TMEM114: variants seen among roughly 807,000 people sequenced by gnomAD.
TMEM114 encodes transmembrane protein 114, also known as claudin-26.
In TMEM114, 6 loss-of-function variants were observed where a neutral mutation model predicts 6.2. The observed-to-expected ratio is 0.97, with a 90% CI of 0.53 to 1.91. TMEM114 has a LOEUF of 1.91. Ranked by LOEUF, TMEM114 falls within the 40% of genes most tolerant of loss-of-function variation. The pLI, the probability that TMEM114 is intolerant of heterozygous loss-of-function variation, is 0.01. For synonymous variants in TMEM114, 104 were observed against 73.0 expected (o/e 1.42, Z -2.16); for missense variants, 218 against 158.3 (o/e 1.38, Z -2.02).
At chr16:8,561,532 T>C (rs1901199664) in intron 2 of TMEM114, among the ~76,000 whole-genome samples, 2 of 152,236 alleles carry the variant, frequency 1.3e-5, no homozygotes, top group African/African-American at 4.8e-5. Flanking sequence ...TGCTAAATCC[T>C]TGGTGTTTCA....
chr16:8,550,486 C>G (rs917440986), intron 2 of TMEM114, among the ~76,000 whole-genome samples: 2 of 152,074 alleles, frequency 1.3e-5, no homozygotes, highest in African/African-American at 4.8e-5. Context: ...TGAGAGCAGC[C>G]TGACCAACAT....
At chr16:8,584,547 T>C (rs537942590) in intron 2 of TMEM114, among the ~76,000 whole-genome samples, 10 of 152,266 alleles carry the variant, frequency 6.6e-5, no homozygotes, top group Non-Finnish European at 1.0e-4. Context: ...TTTAAGGACC[T>C]GATATGTCTG....
chr16:8,527,752 C>G, the TMEM114 span, among the ~76,000 whole-genome samples: 2 of 152,160 alleles, frequency 1.3e-5, no homozygotes. Flanking sequence ...CTGCAAACAG[C>G]TACTAAAGAG....
At chr16:8,578,468 G>A (rs1331054530) in intron 2 of TMEM114, among the ~76,000 whole-genome samples, 1 of 152,048 alleles carries the variant, frequency 6.6e-6, no homozygotes, top group Non-Finnish European at 1.5e-5. Context: ...AGGATTTAGG[G>A]CCCACCAAGT....
the TMEM114 span, chr16:8,526,763 T>C: frequency 2.0e-5 from 3 of 152,200 alleles, no homozygotes; most frequent in African/African-American, 4.8e-5. Flanking sequence ...CAAGAGCAGA[T>C]GGATACACCC....
At chr16:8,551,085 T>C (rs1296470177) in intron 2 of TMEM114, among the ~76,000 whole-genome samples, 3 of 152,238 alleles carry the variant, frequency 2.0e-5, no homozygotes, top group South Asian at 4.1e-4. Flanking sequence ...TACTGAGCTA[T>C]GGGTCTCCCA....
downstream of TMEM114, among the ~76,000 whole-genome samples, chr16:8,535,780 C>A (rs1900339157): frequency 6.6e-6 from 1 of 152,180 alleles, no homozygotes; most frequent in African/African-American, 2.4e-5. Context: ...GCGTAGGGAG[C>A]CCTGCCATGT....
intron 2 of TMEM114, among the ~76,000 whole-genome samples, chr16:8,555,999 A>G (rs529537885): frequency 1.8e-4 from 27 of 152,182 alleles, no homozygotes; most frequent in African/African-American, 6.3e-4. Flanking sequence ...TGAATTTACT[A>G]TCTACTCCCC....
At chr16:8,553,335 G>T (rs1354523358) in intron 2 of TMEM114, among the ~76,000 whole-genome samples, 1 of 152,202 alleles carries the variant, frequency 6.6e-6, no homozygotes, top group Non-Finnish European at 1.5e-5. Flanking sequence ...GGCCAGAGAA[G>T]TCTTTCAGGA....
At chr16:8,570,481 G>A (rs1881351) in intron 3 of TMEM114, among the ~76,000 whole-genome samples, 130,487 of 152,102 alleles carry the variant, frequency 0.86, 56,211 homozygotes, top group African/African-American at 0.91. Flanking sequence ...ACAGATGCCC[G>A]CCACCGCGCC....
rs553200478 is a variant in TMEM114, at chr16:8,577,208, C to A, written c.302-4984G>T. Among the ~76,000 whole-genome samples the A allele has an allele frequency of 7.3e-4, 111 of 152,344 alleles. 1 individual carries two copies. Among genetic ancestry groups the A allele is most frequent in the Non-Finnish European group, 1.4e-3 (96 of 68,036 alleles). On this transcript the variant is annotated intron_variant, in intron 2 of 3. Coordinates refer to ENST00000620492, the MANE Select transcript of TMEM114 (RefSeq NM_001146336.2). ...CAAGCCCTCAACGAAAGCCACTTCC[C>A]TTCCCTCTACTCTGCAGATCTAATT...
chr16:8,535,096 C>G (rs533831485), downstream of TMEM114, among the ~76,000 whole-genome samples: 32 of 152,230 alleles, frequency 2.1e-4, no homozygotes, highest in Non-Finnish European at 3.5e-4. Flanking sequence ...GAAGTCTCAC[C>G]ATCTGAGTGT....
chr16:8,540,008 G>C (rs1021686872), intron 2 of TMEM114, among the ~76,000 whole-genome samples: 9 of 151,916 alleles, frequency 5.9e-5, no homozygotes, highest in African/African-American at 2.2e-4. Flanking sequence ...AGTAGAGATG[G>C]GGTTTCACCA....
the TMEM114 span, among the ~76,000 whole-genome samples, chr16:8,529,256 G>T: frequency 1.4e-4 from 21 of 152,300 alleles, no homozygotes; most frequent in Non-Finnish European, 2.8e-4. Context: ...GATTATGTGT[G>T]CATCCCTGGA....
At chr16:8,554,863 C>T (rs1407780733) in intron 2 of TMEM114, among the ~76,000 whole-genome samples, 5 of 152,186 alleles carry the variant, frequency 3.3e-5, no homozygotes, top group Non-Finnish European at 7.3e-5. Context: ...AGTTGAGGGA[C>T]GAAGAGCTTA....
rs563152192 is a variant in TMEM114 at position 8,544,183 on chromosome 16, A to G, written n.213-6357T>C. Among the ~76,000 whole-genome samples, 266 of 152,366 alleles carry G rather than the reference A, an allele frequency of 1.7e-3. 2 individuals carry two copies. Among genetic ancestry groups the G allele is most frequent in the African/African-American group, 6.1e-3 (254 of 41,596 alleles). Reference sequence around the variant, plus strand: ...AAGCAACTTTATATAGGCAAGCTGCAAAGACCAAGTAAAGCATATATGCAA... The same window carrying G: ...AAGCAACTTTATATAGGCAAGCTGCGAAGACCAAGTAAAGCATATATGCAA... On this transcript the variant is annotated intron_variant and non_coding_transcript_variant, in intron 2 of 2. Transcript: ENST00000623677.
intron 2 of TMEM114, among the ~76,000 whole-genome samples, chr16:8,573,265 G>GC (rs892210057): frequency 6.6e-6 from 1 of 152,146 alleles, no homozygotes; most frequent in Non-Finnish European, 1.5e-5. Context: ...GAGACATGCT[G>GC]CCCCCGGGTT....
Position 8,569,919 on chromosome 16 carries a change from C to A in TMEM114, c.526G>T (p.Ala176Ser). ...REALCLLEEKALLDQVDISFG... is the reference protein window; with the variant it reads ...REALCLLEEKSLLDQVDISFG... Reference sequence around the variant, plus strand: ...CTGATGTCCACCTGGTCCAGGAGGGCCTTCTCCTCCAAGAGACACAGCGCC... The same window carrying A: ...CTGATGTCCACCTGGTCCAGGAGGGACTTCTCCTCCAAGAGACACAGCGCC... The change falls in exon 4 of 4, where the codon GCC becomes TCC. Residue 176 changes from alanine to serine, a missense_variant. By Grantham distance (99) the Ala-to-Ser change is moderately conservative. Coordinates refer to ENST00000620492, the MANE Select transcript of TMEM114 (RefSeq NM_001146336.2). 1 of 1,551,194 alleles carries A rather than the reference C, an allele frequency of 6.4e-7. No individual in the cohort carries two copies. Among genetic ancestry groups the A allele is most frequent in the Non-Finnish European group, 8.7e-7 (1 of 1,146,966 alleles).
chr16:8,529,644 C>G, the TMEM114 span, among the ~76,000 whole-genome samples: 1 of 151,760 alleles, frequency 6.6e-6, no homozygotes, highest in African/African-American at 2.4e-5. Context: ...ATTGGTGTTT[C>G]TCATGCACAC....
Sources: gnomAD v4.1 joint callset for allele counts (sites outside exome capture counted in the v4.1 genomes callset) on GRCh38, gnomAD v4.1.1 for gene constraint, MANE v1.5 for transcripts, NCBI Gene and HGNC (gene_info 2026-07-23, HGNC 2026-07-21) for gene names.